The following CCER1 variants were observed in gnomAD, a reference collection of about 807,000 sequenced individuals.
The protein encoded by CCER1 is coiled-coil glutamate rich protein 1, also known as coiled-coil domain-containing glutamate-rich protein 1.
For synonymous variants in CCER1, 246 were observed against 213.8 expected, an observed-to-expected ratio of 1.15 and a Z score of -1.31; for missense variants, 573 against 524.5, an observed-to-expected ratio of 1.09 and a Z score of -0.90.
chr12:90,953,333 C>A lies in CCER1; in HGVS notation c.*189G>T. The A allele has an allele frequency of 1.9e-6, 1 of 516,376 alleles. No individual in the cohort carries two copies. 32.0% of individuals were successfully genotyped at this position (516,376 alleles called of 1,614,324 possible). A position where few individuals can be genotyped will look rare whatever the true frequency, so the allele number is the denominator to read the frequency against. Reference sequence around the variant, plus strand: ...GTTCCAGTAAAATTATATTTGAAAGCTTCCCCACCACCCACCCATAGTCAT... The same window carrying A: ...GTTCCAGTAAAATTATATTTGAAAGATTCCCCACCACCCACCCATAGTCAT... On this transcript the variant is annotated 3_prime_UTR_variant, in exon 1 of 1. Coordinates refer to ENST00000358859, the MANE Select transcript of CCER1 (RefSeq NM_152638.4).
chr12:90,954,495 G>C lies in CCER1; in HGVS notation c.248C>G (p.Ser83Cys). ...PGFWFQPPVC[S>C]NWGCWGGPWR... ...GGGCCCTCCCCAGCACCCCCAGTTA[G>C]AGCACACGGGTGGTTGGAACCAAAA... is the stretch of plus-strand genomic sequence containing the variant. Residue 83 changes from serine to cysteine, a missense_variant, in exon 1 of 1, where the codon TCT becomes TGT. Coordinates refer to ENST00000358859, the MANE Select transcript of CCER1 (RefSeq NM_152638.4). 2 of 1,610,784 alleles carry C rather than the reference G, an allele frequency of 1.2e-6. No individual in the cohort carries two copies. The highest frequency in any genetic ancestry group is 1.7e-6 in the Non-Finnish European group (2 of 1,177,536).
chr12:90,954,420 A>C lies in CCER1; in HGVS notation c.323T>G (p.Val108Gly). 1 of 1,612,172 alleles carries C rather than the reference A, an allele frequency of 6.2e-7. No homozygotes were observed. Among genetic ancestry groups the C allele is most frequent in the African/African-American group, 1.3e-5 (1 of 74,960 alleles). Reference protein sequence around the residue: ...GFWKFPCPVQVFRVYGLHPLC... With the variant: ...GFWKFPCPVQGFRVYGLHPLC... The stretch of plus-strand genomic sequence containing the variant: ...AGGGTGCAGGCCATACACCCGAAAC[A>C]CTTGCACCGGGCAGGGGAATTTCCA... The change falls in exon 1 of 1, where the codon GTG (valine) becomes GGG (glycine). Residue 108 changes from valine to glycine, a missense_variant. Physicochemically the swap from Val to Gly is moderately radical, Grantham distance 109. Transcript: ENST00000358859.
Position 90,954,625 on chromosome 12 carries a change from G to A in CCER1, c.118C>T (p.Arg40Ter), listed in dbSNP as rs867467733. 1.2e-6 allele frequency: 2 copies of A among 1,612,956 alleles called. No individual in the cohort carries two copies. The highest frequency in any genetic ancestry group is 2.2e-5 in the South Asian group (2 of 90,972). ...TACGCTGGAGCACCCGGGCGCCTTCGATGGCAGGACGACCAGGAGCTCAAG... is the reference window on the plus strand; with the variant it reads ...TACGCTGGAGCACCCGGGCGCCTTCAATGGCAGGACGACCAGGAGCTCAAG... The part of the protein sequence containing the change: ...ASLSSWSSCH[R>*]RRPGAPAYNR... Residue 40 changes from arginine (R) to a stop codon, truncating the protein, a stop_gained, in exon 1 of 1, where the codon CGA (arginine) becomes TGA (stop). Coordinates refer to ENST00000358859, the MANE Select transcript of CCER1 (RefSeq NM_152638.4). LOFTEE classifies it low-confidence loss of function (END_TRUNC).
chr12:90,954,787 T>C lies in CCER1; in HGVS notation c.-45A>G, dbSNP rs1565866945. 2 of 1,504,258 alleles carry C rather than the reference T, an allele frequency of 1.3e-6. No homozygotes were observed. Among genetic ancestry groups the C allele is most frequent in the Non-Finnish European group, 1.8e-6 (2 of 1,122,566 alleles). The allele number at this position is 1,504,258 out of a possible 1,614,324, so 93.2% of individuals were successfully genotyped here. The stretch of plus-strand genomic sequence containing the variant: ...GGTCCAGATGGTAGCGACCTGAAGC[T>C]GTCGTCAAGTTTTGCCAGGTAGGAC... On this transcript the variant is annotated 5_prime_UTR_variant, in exon 1 of 1. Coordinates refer to ENST00000358859, the MANE Select transcript of CCER1 (RefSeq NM_152638.4).
rs200138098 is a variant in CCER1 at position 90,954,558 on chromosome 12, G to T, written c.185C>A (p.Pro62His). The change falls in exon 1 of 1, where the codon CCC becomes CAC. Residue 62 changes from proline (P) to histidine (H), a missense_variant. Transcript: ENST00000358859. Reference sequence around the variant, plus strand: ...CTGTTGCTTCGGCTGCTTCCTTGGGGGCCCATACTCGGTCTTGGGGCTATA... The same window carrying T: ...CTGTTGCTTCGGCTGCTTCCTTGGGTGCCCATACTCGGTCTTGGGGCTATA... ...HRYSPKTEYG[P>H]PRKQPKQQHG... The T allele has an allele frequency of 6.2e-7, 1 of 1,613,894 alleles. No individual in the cohort carries two copies. The highest frequency in any genetic ancestry group is 1.7e-5 in the Admixed American group (1 of 60,024).
rs1341852378 is a variant in CCER1 at position 90,953,584 on chromosome 12, C to T, written c.1159G>A (p.Glu387Lys). The T allele has an allele frequency of 1.9e-6, 3 of 1,614,142 alleles. No individual in the cohort carries two copies. Among genetic ancestry groups the T allele is most frequent in the Non-Finnish European group, 2.5e-6 (3 of 1,180,014 alleles). ...NFISCTFLNP[E>K]QIIPKVPQES... is the part of the protein sequence containing the mutation. ...TGTGGCACTTTGGGAATTATCTGCT[C>T]TGGGTTTAAAAAAGTGCAGCTTATA... is the stretch of plus-strand genomic sequence containing the variant. Residue 387 changes from glutamate (E) to lysine (K), a missense_variant, in exon 1 of 1, where the codon GAG (glutamate) becomes AAG (lysine). By Grantham distance (56) the Glu-to-Lys change is moderately conservative (BLOSUM62 1). Transcript: ENST00000358859.
Position 90,953,693 on chromosome 12 carries a change from G to T in CCER1, c.1050C>A (p.Asn350Lys), listed in dbSNP as rs954408670. The change falls in exon 1 of 1, where the codon AAC becomes AAA. Residue 350 changes from asparagine to lysine, a missense_variant. Asn to Lys is a moderately conservative substitution (Grantham distance 94). Coordinates refer to ENST00000358859, the MANE Select transcript of CCER1 (RefSeq NM_152638.4). ...LEEEEEVLEE[N>K]EQRGEEFHLP... The stretch of plus-strand genomic sequence containing the variant: ...AGTGAAATTCTTCCCCTCTCTGCTC[G>T]TTCTCCTCCAGGACCTCCTCTTCCT... 4 of 1,613,726 alleles carry T rather than the reference G, an allele frequency of 2.5e-6. No homozygotes were observed. The highest frequency in any genetic ancestry group is 2.2e-5 in the South Asian group (2 of 91,072).
At position 90,954,893 on chromosome 12, in the gene CCER1, A is replaced by C; in HGVS notation, c.-151T>G. On this transcript the variant is annotated 5_prime_UTR_variant, in exon 1 of 1. Transcript: ENST00000358859. ...CCCCTGGGATCACGTTTTCCTCTCC[A>C]GGAGGCTGCTCTCTTCCTGGTTTGC... 1 of 1,411,076 alleles carries C rather than the reference A, an allele frequency of 7.1e-7. No individual in the cohort carries two copies. The highest frequency in any genetic ancestry group is 9.4e-7 in the Non-Finnish European group (1 of 1,064,646). 87.4% of individuals were successfully genotyped at this position (1,411,076 alleles called of 1,614,324 possible).
In CCER1 at chr12:90,952,343, T is replaced by G. The variant is rs1295760399; in HGVS notation, c.*1179A>C. The G allele has an allele frequency of 6.6e-6, 1 of 152,606 alleles. No individual in the cohort carries two copies. The highest frequency in any genetic ancestry group is 1.5e-5 in the Non-Finnish European group (1 of 68,036). 9.5% of individuals were successfully genotyped at this position (152,606 alleles called of 1,614,324 possible). On this transcript the variant is annotated 3_prime_UTR_variant, in exon 1 of 1. Transcript: ENST00000358859. ...TCTCTTCAACAAATAAATGCTAACT[T>G]GTGGTTCAAAGTCAAAAGATTTAAT...
chr12:90,953,779 C>T lies in CCER1; in HGVS notation c.964G>A (p.Val322Ile), dbSNP rs1272667155. ...EEVEDEEEEE[V>I]EEAEYVEEGE... ...TCCTCCACATATTCAGCCTCTTCGA[C>T]CTCTTCTTCCTCCTCATCTTCGACC... is the stretch of plus-strand genomic sequence containing the variant. The change falls in exon 1 of 1, where the codon GTC becomes ATC. Residue 322 changes from valine to isoleucine, a missense_variant. Physicochemically the swap from Val to Ile is conservative, Grantham distance 29 (BLOSUM62 3). Transcript: ENST00000358859. 4 of 1,538,990 alleles carry T rather than the reference C, an allele frequency of 2.6e-6. No individual in the cohort carries two copies. Among genetic ancestry groups the T allele is most frequent in the East Asian group, 2.2e-5 (1 of 44,472 alleles).
Position 90,953,548 on chromosome 12 carries a change from A to G in CCER1, c.1195T>C (p.Phe399Leu), listed in dbSNP as rs781647163. The change falls in exon 1 of 1, where the codon TTC (phenylalanine) becomes CTC (leucine). Residue 399 changes from phenylalanine (F) to leucine (L), a missense_variant. By Grantham distance (22) the Phe-to-Leu change is conservative (BLOSUM62 0). Coordinates refer to ENST00000358859, the MANE Select transcript of CCER1 (RefSeq NM_152638.4). ...TAACAGTTAAAGTCCTGTGCCATGA[A>G]CAGGGATTCCTGTGGCACTTTGGGA... ...IIPKVPQESL[F>L]MAQDFNC 1.9e-6 allele frequency: 3 copies of G among 1,613,726 alleles called. No homozygotes were observed. In the Admixed American group the frequency reaches 5.0e-5, roughly 27 times the overall value.
In CCER1 at chr12:90,954,229, G is replaced by GC. The variant is rs1192158027; in HGVS notation, c.513dup (p.Pro172AlafsTer6). 6.2e-7 allele frequency: 1 copy of GC among 1,606,836 alleles called. No individual in the cohort carries two copies. Among genetic ancestry groups the GC allele is most frequent in the Non-Finnish European group, 8.5e-7 (1 of 1,179,796 alleles). ...TCTCTCCACTCATACAGCTTGACCG[G>GC]CCGCGGCAGCGTGCTCACATCCGCT... On this transcript the variant is annotated frameshift_variant, in exon 1 of 1. Coordinates refer to ENST00000358859, the MANE Select transcript of CCER1 (RefSeq NM_152638.4). LOFTEE classifies it low-confidence loss of function (END_TRUNC).
At position 90,954,605 on chromosome 12, in the gene CCER1, T is replaced by A. The variant is rs1300807809; in HGVS notation, c.138A>T (p.Pro46=). The A allele has an allele frequency of 6.2e-7, 1 of 1,613,806 alleles. No homozygotes were observed. Among genetic ancestry groups the A allele is most frequent in the Non-Finnish European group, 8.5e-7 (1 of 1,179,970 alleles). Residue 46 remains proline, a synonymous_variant, in exon 1 of 1, where the codon CCA becomes CCT. Transcript: ENST00000358859. ...TATATCGGTGCGGTCTATTGTACGC[T>A]GGAGCACCCGGGCGCCTTCGATGGC... ...SSCHRRRPGA[P]AYNRPHRYSP... is the part of the protein sequence containing the mutation.
chr12:90,954,785 G>T lies in CCER1; in HGVS notation c.-43C>A. The T allele has an allele frequency of 3.3e-6, 5 of 1,507,654 alleles. No homozygotes were observed. The African/African-American group carries it at 5.6e-5, about 17-fold the overall frequency. 93.4% of individuals were successfully genotyped at this position (1,507,654 alleles called of 1,614,324 possible). A position where few individuals can be genotyped will look rare whatever the true frequency, so the allele number is the denominator to read the frequency against. On this transcript the variant is annotated 5_prime_UTR_variant, in exon 1 of 1. Coordinates refer to ENST00000358859, the MANE Select transcript of CCER1 (RefSeq NM_152638.4). ...GAGGTCCAGATGGTAGCGACCTGAA[G>T]CTGTCGTCAAGTTTTGCCAGGTAGG...
In CCER1 at chr12:90,954,065, G is replaced by T. The variant is rs370167003; in HGVS notation, c.678C>A (p.Ser226=). 20 of 1,613,962 alleles carry T rather than the reference G, an allele frequency of 1.2e-5. No individual in the cohort carries two copies. Among genetic ancestry groups the T allele is most frequent in the East Asian group, 2.2e-5 (1 of 44,866 alleles). Residue 226 remains serine (S), a synonymous_variant, in exon 1 of 1, where the codon TCC becomes TCA. Transcript: ENST00000358859. The stretch of plus-strand genomic sequence containing the variant: ...CGTCGTTTCCGGAGGATCTGGCTGG[G>T]GAGGCCTCGCCGCTCACCGTGGCCT... The part of the protein sequence containing the change: ...AQKATVSGEA[S]PARSSGNDAP...
rs768244419 is a variant in CCER1 at position 90,954,141 on chromosome 12, A to G, written c.602T>C (p.Met201Thr). 22 of 1,611,700 alleles carry G rather than the reference A, an allele frequency of 1.4e-5. No homozygotes were observed. Among genetic ancestry groups the G allele is most frequent in the Non-Finnish European group, 1.6e-5 (19 of 1,179,942 alleles). Reference protein sequence around the residue: ...QFIMNQIYEDMRQQEKVERQQ... With the variant: ...QFIMNQIYEDTRQQEKVERQQ... Reference sequence around the variant, plus strand: ...ACGCTCCACCTTCTCCTGCTGCCTCATGTCCTCGTAGATCTGGTTCATGAT... The same window carrying G: ...ACGCTCCACCTTCTCCTGCTGCCTCGTGTCCTCGTAGATCTGGTTCATGAT... The change falls in exon 1 of 1, where the codon ATG (methionine) becomes ACG (threonine). Residue 201 changes from methionine to threonine, a missense_variant. By Grantham distance (81) the Met-to-Thr change is moderately conservative. Transcript: ENST00000358859.
Position 90,953,259 on chromosome 12 carries a change from C to A in CCER1, c.*263G>T, listed in dbSNP as rs2120762713. On this transcript the variant is annotated 3_prime_UTR_variant, in exon 1 of 1. Coordinates refer to ENST00000358859, the MANE Select transcript of CCER1 (RefSeq NM_152638.4). ...CTCTGTTTTCTAGAGGGGAAAACAC[C>A]AAATGAAAATATTCAAATGGTAGTA... is the stretch of plus-strand genomic sequence containing the variant. 2.7e-6 allele frequency: 1 copy of A among 365,410 alleles called. No individual in the cohort carries two copies. The highest frequency in any genetic ancestry group is 4.8e-6 in the Non-Finnish European group (1 of 206,540). The allele number at this position is 365,410 out of a possible 1,614,324, so 22.6% of individuals were successfully genotyped here.
At position 90,954,947 on chromosome 12, in the gene CCER1, T is replaced by C; in HGVS notation, c.-205A>G. 6.9e-6 allele frequency: 7 copies of C among 1,014,162 alleles called. No homozygotes were observed. The highest frequency in any genetic ancestry group is 9.9e-6 in the Non-Finnish European group (7 of 706,726). 62.8% of individuals were successfully genotyped at this position (1,014,162 alleles called of 1,614,324 possible). A position where few individuals can be genotyped will look rare whatever the true frequency, so the allele number is the denominator to read the frequency against. ...CTCTTCGGTAGTAATCGCTTGTCCTTCGCACCTGGGTTGTCTCGCCCAGGT... is the reference window on the plus strand; with the variant it reads ...CTCTTCGGTAGTAATCGCTTGTCCTCCGCACCTGGGTTGTCTCGCCCAGGT... On this transcript the variant is annotated 5_prime_UTR_variant, in exon 1 of 1. Transcript: ENST00000358859.
rs1205729704 is a variant in CCER1 at position 90,955,005 on chromosome 12, G to A, written c.-263C>T. The A allele has an allele frequency of 3.2e-6, 2 of 617,676 alleles. No individual in the cohort carries two copies. The highest frequency in any genetic ancestry group is 5.5e-6 in the Non-Finnish European group (2 of 360,578). 38.3% of individuals were successfully genotyped at this position (617,676 alleles called of 1,614,324 possible). On this transcript the variant is annotated 5_prime_UTR_variant, in exon 1 of 1. Transcript: ENST00000358859. ...GTGGGACTGGGGCTGGGTAAGGATG[G>A]TGGGGGAGGAAGGTGTTGGCAGGCG... is the stretch of plus-strand genomic sequence containing the variant.
Sources: allele counts gnomAD v4.1 joint callset, GRCh38; gene constraint gnomAD v4.1.1; transcripts MANE v1.5; gene names NCBI Gene and HGNC (gene_info 2026-07-23, HGNC 2026-07-21).